CNTN5: variants seen among roughly 807,000 people sequenced by gnomAD.
CNTN5 encodes the protein contactin 5.
Under a neutral mutation model 129.1 loss-of-function variants are expected in CNTN5, and 77 were observed. The observed-to-expected ratio is 0.60, with a 90% CI of 0.50 to 0.72. CNTN5 has a LOEUF of 0.72. CNTN5 is among the 30% of genes least tolerant of loss of function. CNTN5 has a pLI of 0.00. For missense variants in CNTN5, 1,478 were observed against 1,328.8 expected, an observed-to-expected ratio of 1.11 and a Z score of -1.75; for synonymous variants, 509 against 465.6, an observed-to-expected ratio of 1.09 and a Z score of -1.20.
At chr11:99,731,454 G>A (rs1943531735) in intron 3 of CNTN5, among the ~76,000 whole-genome samples, 1 of 152,132 alleles carries the variant, frequency 6.6e-6, no homozygotes, top group African/African-American at 2.4e-5. Flanking sequence ...GCTATTCCTT[G>A]TTTTAAAGAT....
intron 2 of CNTN5, among the ~76,000 whole-genome samples, chr11:99,414,874 T>C (rs981635150): frequency 3.3e-5 from 5 of 152,120 alleles, no homozygotes; most frequent in African/African-American, 9.7e-5. Flanking sequence ...ATACTGAATA[T>C]AGTTTAACAA....
chr11:99,432,464 C>CTTTCCTTTTCTTTTCTTTTCTTGTCTTTT lies in CNTN5; in HGVS notation c.-71+106980_-71+106981insTTTCCTTTTCTTTTCTTTTCTTGTCTTTT, dbSNP rs1555143589. 3.7e-3 allele frequency among the ~76,000 whole-genome samples: 433 copies of CTTTCCTTTTCTTTTCTTTTCTTGTCTTTT among 116,406 alleles called. 7 individuals are homozygous for CTTTCCTTTTCTTTTCTTTTCTTGTCTTTT. Among genetic ancestry groups the CTTTCCTTTTCTTTTCTTTTCTTGTCTTTT allele is most frequent in the African/African-American group, 0.013 (415 of 31,266 alleles). The allele number at this position is 116,406 out of a possible 152,430, so 76.4% of individuals were successfully genotyped here. On this transcript the variant is annotated intron_variant, in intron 2 of 24. Coordinates refer to ENST00000524871, the MANE Select transcript of CNTN5 (RefSeq NM_014361.4). ...CCTTTTCTTTTCTTTTCTTTTCTTT[C>CTTTCCTTTTCTTTTCTTTTCTTGTCTTTT]CTTTTCTTTTCTTTTCTTTTCTTTT... is the stretch of plus-strand genomic sequence containing the variant.
rs190629740 is a variant in CNTN5, at chr11:99,897,917, A to C, written c.578-18137A>C. ...GGAGACCTATCTCACATGTAATGAC[A>C]TCCATAGGCTCAAAGTAAATGGTTG... On this transcript the variant is annotated intron_variant, in intron 6 of 24. Coordinates refer to ENST00000524871, the MANE Select transcript of CNTN5 (RefSeq NM_014361.4). 2.2e-3 allele frequency among the ~76,000 whole-genome samples: 342 copies of C among 152,318 alleles called. 2 individuals are homozygous for C. Among genetic ancestry groups the C allele is most frequent in the African/African-American group, 7.9e-3 (328 of 41,582 alleles).
chr11:99,343,959 A>G (rs12288511), intron 2 of CNTN5, among the ~76,000 whole-genome samples: 4 of 152,218 alleles, frequency 2.6e-5, no homozygotes, highest in African/African-American at 9.6e-5. Context: ...AAAATCCAAC[A>G]TTTGAAAATG....
At chr11:100,328,782 A>T (rs1951840876) in intron 21 of CNTN5, among the ~76,000 whole-genome samples, 1 of 152,212 alleles carries the variant, frequency 6.6e-6, no homozygotes. Flanking sequence ...AAAAAGAAAA[A>T]GAAAAACCTG....
intron 21 of CNTN5, among the ~76,000 whole-genome samples, chr11:100,323,640 C>CA (rs1951737565): frequency 7.8e-6 from 1 of 128,622 alleles, no homozygotes; most frequent in Admixed American, 8.3e-5. Context: ...TCCTCCTCCC[C>CA]CCCCCTTCTT....
intron 13 of CNTN5, among the ~76,000 whole-genome samples, chr11:100,107,748 G>A (rs1005363187): frequency 5.9e-5 from 9 of 151,768 alleles, no homozygotes; most frequent in Admixed American, 2.0e-4. Context: ...TGTATCAAAC[G>A]ATAGAGTTTA....
intron 9 of CNTN5, among the ~76,000 whole-genome samples, chr11:100,055,750 C>T (rs1357267360): frequency 1.3e-5 from 2 of 151,560 alleles, no homozygotes; most frequent in Non-Finnish European, 1.5e-5. Flanking sequence ...TTTAGTCATG[C>T]TTTGTATATA....
In CNTN5 at chr11:99,674,342, C is replaced by G. The variant is rs936537997; in HGVS notation, c.55+118073C>G. ...AACATGTTTAGGTTCCTTATAGATG[C>G]TCGATTTTAGACCTTTGTCAGATGA... On this transcript the variant is annotated intron_variant, in intron 3 of 24. Transcript: ENST00000524871. 5.9e-5 allele frequency among the ~76,000 whole-genome samples: 9 copies of G among 151,584 alleles called. 1 individual carries two copies. In the South Asian group the frequency reaches 1.0e-3, roughly 17 times the overall value.
intron 1 of CNTN5, among the ~76,000 whole-genome samples, chr11:99,314,218 A>G (rs1865239117): frequency 6.6e-6 from 1 of 152,108 alleles, no homozygotes; most frequent in Non-Finnish European, 1.5e-5. Context: ...TTGCTGAACA[A>G]TAATTAATAC....
intron 1 of CNTN5, among the ~76,000 whole-genome samples, chr11:99,088,935 C>G (rs934259533): frequency 5.9e-5 from 9 of 152,128 alleles, no homozygotes; most frequent in African/African-American, 1.9e-4. Context: ...ATATATGATA[C>G]AGTTATTAGT....
intron 7 of CNTN5, among the ~76,000 whole-genome samples, chr11:99,938,130 G>A (rs1010440773): frequency 6.6e-6 from 1 of 152,090 alleles, no homozygotes; most frequent in Non-Finnish European, 1.5e-5. Context: ...GGATTTGATG[G>A]AGGAAAGGGT....
intron 9 of CNTN5, among the ~76,000 whole-genome samples, chr11:100,043,367 T>A (rs989650296): frequency 2.0e-5 from 3 of 152,188 alleles, no homozygotes; most frequent in African/African-American, 7.2e-5. Flanking sequence ...CAAACAAGTT[T>A]ATAGCCACTC....
intron 3 of CNTN5, among the ~76,000 whole-genome samples, chr11:99,591,386 G>A (rs1382927736): frequency 3.6e-5 from 5 of 139,368 alleles, no homozygotes. Context: ...CGCCCAGGCT[G>A]GAGTGCAGTG....
intron 23 of CNTN5, among the ~76,000 whole-genome samples, chr11:100,341,632 A>C (rs969752454): frequency 3.3e-5 from 5 of 152,200 alleles, no homozygotes; most frequent in African/African-American, 1.2e-4. Flanking sequence ...GGGCTAGAAC[A>C]CTAGAAAGAA....
At chr11:99,312,830 A>G (rs1257077682) in intron 1 of CNTN5, among the ~76,000 whole-genome samples, 3 of 150,186 alleles carry the variant, frequency 2.0e-5, no homozygotes, top group African/African-American at 7.3e-5. Flanking sequence ...TTTTTTCCCC[A>G]GGAGCCTCAG....
intron 1 of CNTN5, among the ~76,000 whole-genome samples, chr11:99,154,369 T>C (rs936536014): frequency 6.6e-6 from 1 of 152,162 alleles, no homozygotes; most frequent in African/African-American, 2.4e-5. Flanking sequence ...TGCATGCACA[T>C]TGGCAGCAGT....
chr11:99,753,522 T>C (rs1944306231), intron 3 of CNTN5, among the ~76,000 whole-genome samples: 1 of 151,552 alleles, frequency 6.6e-6, no homozygotes, highest in Non-Finnish European at 1.5e-5. Flanking sequence ...CCCATATTTC[T>C]CCCTGTCTCA....
rs1387040304 is a variant in CNTN5 at position 100,204,295 on chromosome 11, CTAATATATATATAT to C, written c.1884+10633_1884+10646del. On this transcript the variant is annotated intron_variant, in intron 15 of 24. Coordinates refer to ENST00000524871, the MANE Select transcript of CNTN5 (RefSeq NM_014361.4). ...TAGCTCACCAAGAAACAAACATTGA[CTAATATATATATAT>C]ATATATATATATATATATATATATA... Among the ~76,000 whole-genome samples, 24 of 27,708 alleles carry C rather than the reference CTAATATATATATAT, an allele frequency of 8.7e-4. 2 individuals are homozygous for C. In the South Asian group the frequency reaches 9.0e-3, roughly 10 times the overall value. 18.2% of individuals were successfully genotyped at this position (27,708 alleles called of 152,430 possible).
Sources: allele counts gnomAD v4.1 joint callset (sites outside exome capture counted in the v4.1 genomes callset), GRCh38; gene constraint gnomAD v4.1.1; transcripts MANE v1.5; gene names NCBI Gene and HGNC (gene_info 2026-07-23, HGNC 2026-07-21).